SLFN14: variants seen among roughly 807,000 people sequenced by gnomAD.
SLFN14 encodes the protein schlafen family member 14.
A neutral mutation model predicts 58.6 loss-of-function variants in SLFN14; 47 were observed. That is an observed-to-expected ratio of 0.80 (90% CI 0.64 to 1.02). The LOEUF is 1.02. Ranked by LOEUF, SLFN14 falls within the 50% of genes least tolerant of loss-of-function variation. The probability of loss-of-function intolerance (pLI) is 0.00; values close to 1 mark genes in which losing one functional copy is unlikely to be tolerated. For synonymous variants in SLFN14, 390 were observed against 387.3 expected, an observed-to-expected ratio of 1.01 and a Z score of -0.08; for missense variants, 967 against 1,078.4, an observed-to-expected ratio of 0.90 and a Z score of 1.45.
rs2072543209 is a variant in SLFN14 at position 35,547,474 on chromosome 17, C to T, written c.*765G>A. Among the ~76,000 whole-genome samples the T allele has an allele frequency of 1.3e-5, 2 of 152,236 alleles. No homozygotes were observed. Among genetic ancestry groups the T allele is most frequent in the African/African-American group, 4.8e-5 (2 of 41,542 alleles). On this transcript the variant is annotated 3_prime_UTR_variant, in exon 6 of 6. Coordinates refer to ENST00000674182, the MANE Select transcript of SLFN14 (RefSeq NM_001129820.2). ...GGCTATGTTCATATAATTTGGCTTC[C>T]TATATTACTGTTGAGGGCACTGATT... is the stretch of plus-strand genomic sequence containing the variant.
chr17:35,554,804 G>T, intron 3 of SLFN14, 100 bp from the exon 4 acceptor site: 1 of 1,040,644 alleles, frequency 9.6e-7, no homozygotes, highest in Non-Finnish European at 1.3e-6. Context: ...GGAGACCTGT[G>T]ATGTGCATGG....
At position 35,553,062 on chromosome 17, in the gene SLFN14, C is replaced by G; in HGVS notation, c.1572G>C (p.Glu524Asp). 1 of 1,551,644 alleles carries G rather than the reference C, an allele frequency of 6.4e-7. No homozygotes were observed. The highest frequency in any genetic ancestry group is 8.7e-7 in the Non-Finnish European group (1 of 1,146,980). The change falls in exon 5 of 6, where the codon GAG becomes GAC. Residue 524 changes from glutamate to aspartate, a missense_variant. Transcript: ENST00000674182. The part of the protein sequence containing the change: ...HLSSTQSRPG[E>D]IPLRYPRSYR... ...AGGACCTGGGGTAACGCAGGGGGAT[C>G]TCACCAGGTCTACTCTGTGTGCTGC... is the stretch of plus-strand genomic sequence containing the variant.
At position 35,549,001 on chromosome 17, in the gene SLFN14, T is replaced by G. The variant is rs1032983362; in HGVS notation, c.1977A>C (p.Ile659=). The stretch of plus-strand genomic sequence containing the variant: ...AGAAATTCTCAGTCTCATCCATCAC[T>G]ATGTGTTTAATCTTTAGAAACTCCC... ...MQGEFLKIKH[I]VMDETENFCS... is the part of the protein sequence containing the mutation. Residue 659 remains isoleucine, a synonymous_variant, in exon 6 of 6, where the codon ATA becomes ATC. Transcript: ENST00000674182. 5 of 1,551,626 alleles carry G rather than the reference T, an allele frequency of 3.2e-6. No individual in the cohort carries two copies. The highest frequency in any genetic ancestry group is 2.7e-5 in the African/African-American group (2 of 73,054).
At chr17:35,552,538 G>A (rs1321826145) in intron 5 of SLFN14, among the ~76,000 whole-genome samples, 192 bp downstream of exon 5, 1 of 151,518 alleles carries the variant, frequency 6.6e-6, no homozygotes, top group Non-Finnish European at 1.5e-5. Context: ...CCCTCTTTGG[G>A]TCCCCTCCCT....
rs1252739183 is a variant in SLFN14, at chr17:35,553,737, C to A, written c.1190-293G>T. Among the ~76,000 whole-genome samples, 19 of 152,280 alleles carry A rather than the reference C, an allele frequency of 1.2e-4. 1 individual carries two copies. The East Asian group carries it at 2.7e-3, about 22-fold the overall frequency. On this transcript the variant is annotated intron_variant, in intron 4 of 5. Coordinates refer to ENST00000674182, the MANE Select transcript of SLFN14 (RefSeq NM_001129820.2). ...CACTGCAGCCTCTGCCTCCCTGGTT[C>A]CAGTGATTCTTCTGCCTCAGCCTCT...
chr17:35,548,987 G>T lies in SLFN14; in HGVS notation c.1991C>A (p.Thr664Asn), dbSNP rs1041875296. The T allele has an allele frequency of 1.7e-5, 27 of 1,551,538 alleles. No homozygotes were observed. The East Asian group carries it at 5.9e-4, about 34-fold the overall frequency. The change falls in exon 6 of 6, where the codon ACT (threonine) becomes AAT (asparagine). Residue 664 changes from threonine (T) to asparagine (N), a missense_variant. Thr to Asn is a moderately conservative substitution (Grantham distance 65, BLOSUM62 0). Coordinates refer to ENST00000674182, the MANE Select transcript of SLFN14 (RefSeq NM_001129820.2). ...GCCATATTTGCTGCAGAAATTCTCA[G>T]TCTCATCCATCACTATGTGTTTAAT... ...LKIKHIVMDE[T>N]ENFCSKYGNW...
Position 35,557,547 on chromosome 17 carries a change from A to AC in SLFN14, c.515_516insG (p.Leu173SerfsTer3). The stretch of plus-strand genomic sequence containing the variant: ...CCTCTTCCTGAATGCATCTATTGAG[A>AC]ACCTGCTGAGGATGCAACTTCTTCA... On this transcript the variant is annotated frameshift_variant, in exon 3 of 6. Transcript: ENST00000674182. LOFTEE classifies it high-confidence loss of function. 6.4e-7 allele frequency: 1 copy of AC among 1,551,628 alleles called. No homozygotes were observed. The highest frequency in any genetic ancestry group is 1.4e-5 in the African/African-American group (1 of 73,148).
Position 35,557,357 on chromosome 17 carries a change from C to T in SLFN14, c.706G>A (p.Ala236Thr). 1 of 1,551,632 alleles carries T rather than the reference C, an allele frequency of 6.4e-7. No homozygotes were observed. The highest frequency in any genetic ancestry group is 8.7e-7 in the Non-Finnish European group (1 of 1,146,980). ...AGGACATATCCCCCTTGAGTGTTGG[C>T]AAATGCAGAAACATAATGAGGCAGC... ...EMLPHYVSAF[A>T]NTQGGYVLIG... Residue 236 changes from alanine (A) to threonine (T), a missense_variant, in exon 3 of 6, where the codon GCC (alanine) becomes ACC (threonine). Transcript: ENST00000674182.
At position 35,558,079 on chromosome 17, in the gene SLFN14, T is replaced by A; in HGVS notation, c.-17A>T. ...ACTCTCCATTTCAGCAGCCCCTCTGTGCTCCAAACAATAAAAGAAAGGAGT... is the reference window on the plus strand; with the variant it reads ...ACTCTCCATTTCAGCAGCCCCTCTGAGCTCCAAACAATAAAAGAAAGGAGT... On this transcript the variant is annotated 5_prime_UTR_variant, in exon 3 of 6. Transcript: ENST00000674182. 1 of 1,539,446 alleles carries A rather than the reference T, an allele frequency of 6.5e-7. No homozygotes were observed. The highest frequency in any genetic ancestry group is 2.4e-5 in the East Asian group (1 of 40,844).
intron 1 of SLFN14, among the ~76,000 whole-genome samples, chr17:35,560,039 C>T (rs928416595): frequency 6.6e-6 from 1 of 152,128 alleles, no homozygotes; most frequent in African/African-American, 2.4e-5. Context: ...AGTTGCAAAC[C>T]TCCAGCAATG....
intron 5 of SLFN14, among the ~76,000 whole-genome samples, chr17:35,551,405 A>C (rs1278345551): frequency 3.9e-5 from 6 of 152,096 alleles, no homozygotes; most frequent in Non-Finnish European, 8.8e-5. Context: ...GGCTCTTCAG[A>C]ATCTATATGC....
chr17:35,559,980 A>G (rs1284037795), intron 1 of SLFN14, among the ~76,000 whole-genome samples, 175 bp from the exon 2 acceptor site: 3 of 152,240 alleles, frequency 2.0e-5, no homozygotes, highest in Non-Finnish European at 4.4e-5. Flanking sequence ...CCAGTCCAAC[A>G]ATCTATAGGA....
Position 35,557,723 on chromosome 17 carries a change from G to C in SLFN14, c.340C>G (p.Pro114Ala). Residue 114 changes from proline to alanine, a missense_variant, in exon 3 of 6, where the codon CCA (proline) becomes GCA (alanine). Transcript: ENST00000674182. ...CTTAGTGGAAGGCTGAAAACATCTG[G>C]GCTCCATGACTTCACAAAAATCAGG... ...NLLIFVKSWS[P>A]DVFSLPLRIC... 1 of 1,551,656 alleles carries C rather than the reference G, an allele frequency of 6.4e-7. No homozygotes were observed. Among genetic ancestry groups the C allele is most frequent in the South Asian group, 1.2e-5 (1 of 84,058 alleles).
intron 3 of SLFN14, among the ~76,000 whole-genome samples, chr17:35,555,565 AAT>A (rs904951796): frequency 7.2e-5 from 11 of 151,778 alleles, no homozygotes; most frequent in African/African-American, 2.2e-4. Flanking sequence ...AAAAAAAAAA[AAT>A]GTTGTTACAG....
chr17:35,546,014 T>G lies in SLFN14; in HGVS notation c.*2225A>C, dbSNP rs370288833. ...CTAAGAACTGACAAAGACTCTCAAA[T>G]TCAATATTTAAAACAATTCTTTACA... On this transcript the variant is annotated 3_prime_UTR_variant, in exon 6 of 6. Transcript: ENST00000674182. Among the ~76,000 whole-genome samples the G allele has an allele frequency of 1.4e-4, 22 of 152,306 alleles. No individual in the cohort carries two copies. Among genetic ancestry groups the G allele is most frequent in the African/African-American group, 5.3e-4 (22 of 41,564 alleles).
Position 35,557,225 on chromosome 17 carries a change from T to C in SLFN14, c.838A>G (p.Thr280Ala). 6.4e-7 allele frequency: 1 copy of C among 1,551,766 alleles called. No homozygotes were observed. Among genetic ancestry groups the C allele is most frequent in the Non-Finnish European group, 8.7e-7 (1 of 1,147,002 alleles). ...EIENCIEKLP[T>A]FHFCCEKPKV... ...GGCTTCTCACAGCAGAAGTGGAATG[T>C]AGGCAATTTTTCTATGCAGTTTTCG... Residue 280 changes from threonine to alanine, a missense_variant, in exon 3 of 6, where the codon ACA becomes GCA. Coordinates refer to ENST00000674182, the MANE Select transcript of SLFN14 (RefSeq NM_001129820.2).
chr17:35,551,018 T>G (rs1001636290), intron 5 of SLFN14, among the ~76,000 whole-genome samples: 1 of 152,118 alleles, frequency 6.6e-6, no homozygotes, highest in African/African-American at 2.4e-5. Flanking sequence ...TTCTCTTAAA[T>G]GTAAGGCCAT....
At position 35,557,540 on chromosome 17, in the gene SLFN14, TA is replaced by T; in HGVS notation, c.522del (p.Asn174LysfsTer10). 1 of 1,551,700 alleles carries T rather than the reference TA, an allele frequency of 6.4e-7. No individual in the cohort carries two copies. On this transcript the variant is annotated frameshift_variant, in exon 3 of 6. Transcript: ENST00000674182. LOFTEE classifies it high-confidence loss of function. ...ATATCTTCCTCTTCCTGAATGCATC[TA>T]TTGAGAACCTGCTGAGGATGCAACT... ...VKKLHPQQVL[N>X]RCIQEEEDMR...
chr17:35,545,882 A>T lies in SLFN14; in HGVS notation c.*2357T>A, dbSNP rs531446696. Among the ~76,000 whole-genome samples the T allele has an allele frequency of 6.6e-6, 1 of 152,196 alleles. No individual in the cohort carries two copies. The highest frequency in any genetic ancestry group is 1.9e-4 in the East Asian group (1 of 5,176). On this transcript the variant is annotated 3_prime_UTR_variant, in exon 6 of 6. Coordinates refer to ENST00000674182, the MANE Select transcript of SLFN14 (RefSeq NM_001129820.2). ...GTTAATTAGTCTGGTGTCTGGCCTGATCACTGATTTTTTTTAAGTCGCCCA... is the reference window on the plus strand; with the variant it reads ...GTTAATTAGTCTGGTGTCTGGCCTGTTCACTGATTTTTTTTAAGTCGCCCA...
Sources: gnomAD v4.1 joint callset for allele counts (sites outside exome capture counted in the v4.1 genomes callset) on GRCh38, gnomAD v4.1.1 for gene constraint, MANE v1.5 for transcripts, NCBI Gene and HGNC (gene_info 2026-07-23, HGNC 2026-07-21) for gene names.